The following ST3GAL3 variants were observed in gnomAD, a reference collection of about 807,000 sequenced individuals.
ST3GAL3 encodes ST3 beta-galactoside alpha-2,3-sialyltransferase 3.
Under a neutral mutation model 50.1 loss-of-function variants are expected in ST3GAL3, and 21 were observed. That is an observed-to-expected ratio of 0.42 (90% CI 0.30 to 0.60). The LOEUF is 0.60. Among genes scored for constraint, ST3GAL3 ranks in the 20% least tolerant of loss-of-function variants. ST3GAL3 has a pLI of 0.19. For synonymous variants in ST3GAL3, 183 were observed against 190.0 expected, an observed-to-expected ratio of 0.96 and a Z score of 0.30; for missense variants, 353 against 489.4, an observed-to-expected ratio of 0.72 and a Z score of 2.63.
At chr1:43,898,114 C>G in intron 6 of ST3GAL3, 121 bp from the exon 7 acceptor site, 1 of 1,045,332 alleles carries the variant, frequency 9.6e-7, no homozygotes, top group Non-Finnish European at 1.5e-6. Context: ...GTCCAGAGCT[C>G]TCTCCACTTC....
intron 5 of ST3GAL3, among the ~76,000 whole-genome samples, chr1:43,878,411 G>A (rs1410381997): frequency 1.3e-5 from 2 of 152,202 alleles, no homozygotes; most frequent in African/African-American, 4.8e-5. Flanking sequence ...AATATGGCAA[G>A]GTGACAGGAG....
At chr1:43,897,643 C>T (rs2077580106) in intron 6 of ST3GAL3, among the ~76,000 whole-genome samples, 1 of 151,994 alleles carries the variant, frequency 6.6e-6, no homozygotes, top group Non-Finnish European at 1.5e-5. Flanking sequence ...GTGGGCAGAG[C>T]CAGGCTCAGG....
intron 3 of ST3GAL3, among the ~76,000 whole-genome samples, chr1:43,797,574 A>G (rs1426292773): frequency 1.3e-5 from 2 of 152,228 alleles, no homozygotes; most frequent in African/African-American, 2.4e-5. Context: ...AAGAAAACGC[A>G]TTTGACAGAA....
At chr1:43,806,944 G>A (rs1204251114) in intron 3 of ST3GAL3, among the ~76,000 whole-genome samples, 2 of 152,204 alleles carry the variant, frequency 1.3e-5, no homozygotes, top group Non-Finnish European at 2.9e-5. Context: ...GCCTGCCTTG[G>A]CCTCCCAAAG....
intron 6 of ST3GAL3, 95 bp from the exon 7 acceptor site, chr1:43,898,140 C>G: frequency 7.5e-7 from 1 of 1,329,520 alleles, no homozygotes; most frequent in South Asian, 1.2e-5. Flanking sequence ...TCACTCTAGC[C>G]CCTAGGGACT....
rs114794894 is a variant in ST3GAL3 at position 43,832,425 on chromosome 1, C to T, written c.210-5794C>T. Reference sequence around the variant, plus strand: ...CATTTGACAGTGCTTCAGCATTTGTCGTAGATGGCTGTACACGTATCATGA... The same window carrying T: ...CATTTGACAGTGCTTCAGCATTTGTTGTAGATGGCTGTACACGTATCATGA... On this transcript the variant is annotated intron_variant, in intron 4 of 11. Coordinates refer to ENST00000347631, the MANE Select transcript of ST3GAL3 (RefSeq NM_006279.5). Among the ~76,000 whole-genome samples, 502 of 152,236 alleles carry T rather than the reference C, an allele frequency of 3.3e-3. 1 individual carries two copies. Among genetic ancestry groups the T allele is most frequent in the African/African-American group, 0.011 (461 of 41,540 alleles).
chr1:43,743,458 T>G (rs1230631027), intron 2 of ST3GAL3: 1 of 374,762 alleles, frequency 2.7e-6, no homozygotes. Context: ...AAGAGAGGTG[T>G]CAACACTTAA....
intron 5 of ST3GAL3, among the ~76,000 whole-genome samples, chr1:43,854,210 T>G (rs2067897736): frequency 6.6e-6 from 1 of 152,202 alleles, no homozygotes; most frequent in Admixed American, 6.5e-5. Context: ...CTACCAGGAA[T>G]ATGCAAGACT....
At chr1:43,785,519 C>T (rs1316121891) in intron 2 of ST3GAL3, among the ~76,000 whole-genome samples, 3 of 152,172 alleles carry the variant, frequency 2.0e-5, no homozygotes, top group Non-Finnish European at 2.9e-5. Flanking sequence ...AACCTCAAGG[C>T]CTCATGGAAA....
intron 2 of ST3GAL3, among the ~76,000 whole-genome samples, chr1:43,754,966 G>T (rs1302406660): frequency 6.6e-6 from 1 of 151,988 alleles, no homozygotes; most frequent in Non-Finnish European, 1.5e-5. Flanking sequence ...TGTGAATTAG[G>T]TATCTAAGGG....
At chr1:43,879,188 G>A (rs1310967781) in intron 5 of ST3GAL3, 2 of 446,068 alleles carry the variant, frequency 4.5e-6, no homozygotes, top group African/African-American at 4.0e-5. Context: ...TTGTGGAAAG[G>A]TCCAGACTCA....
rs938331703 is a variant in ST3GAL3 at position 43,838,285 on chromosome 1, A to G, written c.276A>G (p.Ser92=). The part of the protein sequence containing the change: ...SEGACKPGYA[S]ALMTAIFPRF... ...GAGCTTGCAAGCCTGGCTATGCTTC[A>G]GCCTTGATGACGGCCATCTTCCCCC... Residue 92 remains serine (S), a synonymous_variant, in exon 5 of 12, where the codon TCA becomes TCG. Transcript: ENST00000347631. 1 of 1,613,708 alleles carries G rather than the reference A, an allele frequency of 6.2e-7. No homozygotes were observed. Among genetic ancestry groups the G allele is most frequent in the Non-Finnish European group, 8.5e-7 (1 of 1,179,862 alleles).
intron 2 of ST3GAL3, among the ~76,000 whole-genome samples, chr1:43,751,833 T>G (rs1381387578): frequency 1.3e-5 from 2 of 152,046 alleles, no homozygotes; most frequent in East Asian, 1.9e-4. Context: ...TTTGTTCTGT[T>G]TTTTTTTGAG....
At chr1:43,844,569 T>A (rs1437450922) in intron 5 of ST3GAL3, among the ~76,000 whole-genome samples, 1 of 152,130 alleles carries the variant, frequency 6.6e-6, no homozygotes, top group East Asian at 1.9e-4. Flanking sequence ...CGCAGCACTT[T>A]GGGAGGCCGA....
In ST3GAL3 at chr1:43,856,672, G is replaced by A. The variant is rs78928093; in HGVS notation, c.302+18361G>A. On this transcript the variant is annotated intron_variant, in intron 5 of 11. Coordinates refer to ENST00000347631, the MANE Select transcript of ST3GAL3 (RefSeq NM_006279.5). ...TGACCTGGACTCCAGCTTACAGCTGGAAGAATTGCCATTTGTGTCCTCTCC... is the reference window on the plus strand; with the variant it reads ...TGACCTGGACTCCAGCTTACAGCTGAAAGAATTGCCATTTGTGTCCTCTCC... Among the ~76,000 whole-genome samples, 1,306 of 152,320 alleles carry A rather than the reference G, an allele frequency of 8.6e-3. 25 individuals carry two copies. The highest frequency in any genetic ancestry group is 0.031 in the African/African-American group (1,275 of 41,576).
chr1:43,796,569 C>T (rs570263202), intron 3 of ST3GAL3, among the ~76,000 whole-genome samples: 1 of 152,174 alleles, frequency 6.6e-6, no homozygotes, highest in Non-Finnish European at 1.5e-5. Flanking sequence ...AACCACAACC[C>T]ACAGAAGGCT....
intron 5 of ST3GAL3, among the ~76,000 whole-genome samples, chr1:43,862,766 AT>A (rs1469902209): frequency 1.5e-4 from 21 of 143,648 alleles, no homozygotes; most frequent in African/African-American, 5.3e-4. Flanking sequence ...AAAAAAAAAA[AT>A]TTAATTAGCA....
At chr1:43,795,472 A>G (rs956689332) in intron 3 of ST3GAL3, among the ~76,000 whole-genome samples, 2 of 152,318 alleles carry the variant, frequency 1.3e-5, no homozygotes, top group South Asian at 4.1e-4. Flanking sequence ...CAAGAGGCCA[A>G]TAGTTTTGCT....
At chr1:43,713,362 G>C (rs78649405) in intron 1 of ST3GAL3, among the ~76,000 whole-genome samples, 63 of 152,198 alleles carry the variant, frequency 4.1e-4, no homozygotes, top group Non-Finnish European at 6.0e-4. Context: ...GAGGGAATAG[G>C]TGTAAAAAGC....
Sources: allele counts gnomAD v4.1 joint callset (sites outside exome capture counted in the v4.1 genomes callset), GRCh38; gene constraint gnomAD v4.1.1; transcripts MANE v1.5; gene names NCBI Gene and HGNC (gene_info 2026-07-23, HGNC 2026-07-21).